Variants in SMOC2 observed in about 807,000 individuals in gnomAD.
The protein encoded by SMOC2 is SPARC-related modular calcium-binding protein 2.
Under a neutral mutation model 61.4 loss-of-function variants are expected in SMOC2, and 39 were observed. That is an observed-to-expected ratio of 0.64 (90% CI 0.49 to 0.83). SMOC2 has a LOEUF of 0.83. Ranked by LOEUF, SMOC2 falls within the 40% of genes least tolerant of loss-of-function variation. The pLI is 0.00. For synonymous variants in SMOC2, 247 were observed against 239.9 expected (o/e 1.03, Z -0.27); for missense variants, 556 against 592.9 (o/e 0.94, Z 0.65).
chr6:168,461,789 C>A (rs564943981), intron 1 of SMOC2, among the ~76,000 whole-genome samples: 1 of 152,322 alleles, frequency 6.6e-6, no homozygotes, highest in South Asian at 2.1e-4. Flanking sequence ...CACTCTATTA[C>A]GCCTAGTGGC....
At chr6:168,631,485 G>T (rs1288451035) in intron 9 of SMOC2, among the ~76,000 whole-genome samples, 3 of 152,206 alleles carry the variant, frequency 2.0e-5, no homozygotes, top group Non-Finnish European at 4.4e-5. Flanking sequence ...TATTAACAAT[G>T]AGAAAGATGT....
At chr6:168,633,901 G>T (rs557069872) in intron 9 of SMOC2, among the ~76,000 whole-genome samples, 1 of 152,152 alleles carries the variant, frequency 6.6e-6, no homozygotes, top group South Asian at 2.1e-4. Context: ...TCATGGGGGT[G>T]GTTACCCCTA....
intron 7 of SMOC2, among the ~76,000 whole-genome samples, chr6:168,568,836 G>A (rs73789119): frequency 0.014 from 2,145 of 152,244 alleles, 47 homozygotes; most frequent in African/African-American, 0.049. Context: ...AGGTTCCTCT[G>A]TTACTAATAT....
At chr6:168,642,059 G>A (rs1453565950) in intron 9 of SMOC2, among the ~76,000 whole-genome samples, 1 of 152,176 alleles carries the variant, frequency 6.6e-6, no homozygotes, top group Non-Finnish European at 1.5e-5. Context: ...CTTTTTTAAA[G>A]TATGAATTGT....
chr6:168,504,297 A>G lies in SMOC2; in HGVS notation c.85-5618A>G, dbSNP rs149535824. Among the ~76,000 whole-genome samples, 31 of 151,224 alleles carry G rather than the reference A, an allele frequency of 2.0e-4. No individual in the cohort carries two copies. In the East Asian group the frequency reaches 5.5e-3, roughly 27 times the overall value. ...TACATTTATTGCGCACTTTATTTCT[A>G]TCATTACATTGTAATATATAATGAG... is the stretch of plus-strand genomic sequence containing the variant. On this transcript the variant is annotated intron_variant, in intron 1 of 12. Coordinates refer to ENST00000356284, the MANE Select transcript of SMOC2 (RefSeq NM_001166412.2).
At chr6:168,599,401 G>C (rs1429884430) in intron 8 of SMOC2, among the ~76,000 whole-genome samples, 4 of 87,614 alleles carry the variant, frequency 4.6e-5, no homozygotes, top group East Asian at 4.5e-4. Context: ...CACACACACT[G>C]ACACACACAC....
chr6:168,595,248 C>G (rs866699107), intron 7 of SMOC2, among the ~76,000 whole-genome samples: 1 of 79,222 alleles, frequency 1.3e-5, no homozygotes, highest in African/African-American at 4.7e-5. Context: ...TGAGGCCTCA[C>G]GGGCATCTTT....
chr6:168,601,578 G>A (rs1197310407), intron 8 of SMOC2, among the ~76,000 whole-genome samples: 2 of 152,196 alleles, frequency 1.3e-5, no homozygotes, highest in African/African-American at 4.8e-5. Context: ...CAATGTTTCT[G>A]CGTATCTTAG....
intron 1 of SMOC2, among the ~76,000 whole-genome samples, chr6:168,455,939 C>A (rs1327608997): frequency 6.6e-6 from 1 of 152,224 alleles, no homozygotes; most frequent in East Asian, 1.9e-4. Context: ...GCGGAGTCTT[C>A]ACCTCACTTC....
chr6:168,546,192 C>T (rs2115102541), intron 5 of SMOC2, among the ~76,000 whole-genome samples: 1 of 146,280 alleles, frequency 6.8e-6, no homozygotes, highest in Admixed American at 7.0e-5. Context: ...ATCTTTGCCA[C>T]TTTTTCCTAT....
At chr6:168,462,117 C>G (rs1468591537) in intron 1 of SMOC2, among the ~76,000 whole-genome samples, 1 of 152,064 alleles carries the variant, frequency 6.6e-6, no homozygotes, top group African/African-American at 2.4e-5. Flanking sequence ...TGCTCTTTCC[C>G]CATCCTGCCC....
intron 4 of SMOC2, among the ~76,000 whole-genome samples, chr6:168,536,254 G>A (rs553134423): frequency 6.6e-6 from 1 of 152,286 alleles, no homozygotes; most frequent in South Asian, 2.1e-4. Context: ...ATCCTAGGAT[G>A]GTCAAGGGGC....
Position 168,485,279 on chromosome 6 carries a change from G to A in SMOC2, c.85-24636G>A, listed in dbSNP as rs1782304500. ...GTGCTTTGGAAAACAGTTTTCCAAAGTTTAATCAGAGTTCTCTTATGAACC... is the reference window on the plus strand; with the variant it reads ...GTGCTTTGGAAAACAGTTTTCCAAAATTTAATCAGAGTTCTCTTATGAACC... On this transcript the variant is annotated intron_variant, in intron 1 of 12. Coordinates refer to ENST00000356284, the MANE Select transcript of SMOC2 (RefSeq NM_001166412.2). Among the ~76,000 whole-genome samples, 3 of 152,244 alleles carry A rather than the reference G, an allele frequency of 2.0e-5. No homozygotes were observed. In the South Asian group the frequency reaches 6.2e-4, roughly 32 times the overall value.
intron 1 of SMOC2, among the ~76,000 whole-genome samples, chr6:168,494,955 G>T (rs1266417971): frequency 6.6e-6 from 1 of 152,232 alleles, no homozygotes; most frequent in Non-Finnish European, 1.5e-5. Context: ...TTGGGCCGGG[G>T]TGTGCTCACC....
chr6:168,636,389 T>A (rs1289064231), intron 9 of SMOC2, among the ~76,000 whole-genome samples: 1 of 152,248 alleles, frequency 6.6e-6, no homozygotes, highest in Non-Finnish European at 1.5e-5. Context: ...TGTGAACACT[T>A]GCAATCAGCC....
intron 7 of SMOC2, among the ~76,000 whole-genome samples, chr6:168,595,744 C>T (rs1037342946): frequency 1.3e-5 from 2 of 152,230 alleles, no homozygotes; most frequent in Non-Finnish European, 2.9e-5. Flanking sequence ...TCTTCTGACT[C>T]TGCTCTAATA....
At chr6:168,595,741 ACT>A (rs762273463) in intron 7 of SMOC2, among the ~76,000 whole-genome samples, 1 of 152,186 alleles carries the variant, frequency 6.6e-6, no homozygotes, top group Non-Finnish European at 1.5e-5. Flanking sequence ...GTTTCTTCTG[ACT>A]CTGCTCTAAT....
intron 5 of SMOC2, among the ~76,000 whole-genome samples, chr6:168,546,450 C>G (rs900787923): frequency 2.0e-5 from 3 of 152,100 alleles, no homozygotes; most frequent in Non-Finnish European, 4.4e-5. Flanking sequence ...TAATTAAATA[C>G]AGATTCTTCA....
intron 9 of SMOC2, among the ~76,000 whole-genome samples, chr6:168,616,854 C>T (rs1035834811): frequency 6.6e-6 from 1 of 152,150 alleles, no homozygotes; most frequent in African/African-American, 2.4e-5. Flanking sequence ...TTTCAAGAAC[C>T]GGTGTCTGTG....
Sources: gnomAD v4.1 joint callset for allele counts (sites outside exome capture counted in the v4.1 genomes callset) on GRCh38, gnomAD v4.1.1 for gene constraint, MANE v1.5 for transcripts, NCBI Gene and HGNC (gene_info 2026-07-23, HGNC 2026-07-21) for gene names.